GRAMD4: variants seen among roughly 807,000 people sequenced by gnomAD.
GRAMD4 encodes GRAM domain containing 4, also known as GRAM domain-containing protein 4.
In GRAMD4, 25 loss-of-function variants were observed where a neutral mutation model predicts 83.9. The observed-to-expected ratio is 0.30, with a 90% CI of 0.22 to 0.42. The LOEUF is 0.42. GRAMD4 is among the 10% of genes least tolerant of loss of function. The pLI, the probability that GRAMD4 is intolerant of heterozygous loss-of-function variation, is 1.00. For synonymous variants in GRAMD4, 336 were observed against 320.9 expected (o/e 1.05, Z -0.50); for missense variants, 593 against 788.7 (o/e 0.75, Z 2.97).
intron 1 of GRAMD4, among the ~76,000 whole-genome samples, chr22:46,588,950 GTT>G (rs1457643007): frequency 6.6e-6 from 1 of 152,222 alleles, no homozygotes; most frequent in Admixed American, 6.5e-5. Flanking sequence ...TGACAGCAGA[GTT>G]CTCTTAAACA....
intron 2 of GRAMD4, among the ~76,000 whole-genome samples, chr22:46,634,543 T>C (rs1344301816): frequency 6.6e-6 from 1 of 152,190 alleles, no homozygotes; most frequent in Non-Finnish European, 1.5e-5. Flanking sequence ...TGGTCCTTGG[T>C]CCACAGTCAG....
In GRAMD4 at chr22:46,674,654, T is replaced by C. The variant is rs776257746; in HGVS notation, c.1385-3T>C. The stretch of plus-strand genomic sequence containing the variant: ...GTGTGACAGGCGGGCCTTCTCCCAT[T>C]AGTGTGCGAGAATGGCTGGCGCTGC... On this transcript the variant is annotated splice_polypyrimidine_tract_variant and splice_region_variant and intron_variant, in intron 15 of 18. Coordinates refer to ENST00000406902, the MANE Select transcript of GRAMD4 (RefSeq NM_015124.5). 1.4e-5 allele frequency: 23 copies of C among 1,596,236 alleles called. No homozygotes were observed. The South Asian group carries it at 2.3e-4, about 16-fold the overall frequency.
At chr22:46,656,709 G>A (rs1236852761) in intron 3 of GRAMD4, among the ~76,000 whole-genome samples, 1 of 152,250 alleles carries the variant, frequency 6.6e-6, no homozygotes, top group African/African-American at 2.4e-5. Context: ...GGTGGGGTCT[G>A]GCTGCTGGCC....
rs558860737 is a variant in GRAMD4, at chr22:46,678,971, C to T, written c.*1720C>T. Reference sequence around the variant, plus strand: ...GCCTTTCCCGAATGGGGACAGAACCCGCTCTGAGCCGTGGGTCTGGCTCCT... The same window carrying T: ...GCCTTTCCCGAATGGGGACAGAACCTGCTCTGAGCCGTGGGTCTGGCTCCT... On this transcript the variant is annotated 3_prime_UTR_variant, in exon 19 of 19. Transcript: ENST00000406902. 1.5e-5 allele frequency: 15 copies of T among 985,768 alleles called. No homozygotes were observed. In the East Asian group the frequency reaches 3.4e-4, roughly 22 times the overall value. The allele number at this position is 985,768 out of a possible 1,614,324, so 61.1% of individuals were successfully genotyped here.
rs577800152 is a variant in GRAMD4 at position 46,675,888 on chromosome 22, G to T, written c.1563+336G>T. Among the ~76,000 whole-genome samples, 12 of 152,362 alleles carry T rather than the reference G, an allele frequency of 7.9e-5. No individual in the cohort carries two copies. The South Asian group carries it at 2.3e-3, about 29-fold the overall frequency. On this transcript the variant is annotated intron_variant, in intron 17 of 18. Coordinates refer to ENST00000406902, the MANE Select transcript of GRAMD4 (RefSeq NM_015124.5). ...AAAAGCACAGGGGCCCTGAGCCCCT[G>T]CCTCGGATGCAGGTTTTCAGGTGGG... is the stretch of plus-strand genomic sequence containing the variant.
intron 9 of GRAMD4, 98 bp downstream of exon 9, chr22:46,665,804 A>T: frequency 1.4e-6 from 1 of 706,492 alleles, no homozygotes; most frequent in South Asian, 1.6e-5. Context: ...TGGGTATGTC[A>T]TGCACTGACG....
In GRAMD4 at chr22:46,585,711, TAA is replaced by T. The variant is rs1245229231; in HGVS notation, c.-50+8423_-50+8424del. The stretch of plus-strand genomic sequence containing the variant: ...AGGGAGCTTGTGGGAGGTGGAAAGG[TAA>T]AGAGAGCCTGGTCTATGGGATGGGG... On this transcript the variant is annotated intron_variant, in intron 1 of 1. Transcript: ENST00000431155. Among the ~76,000 whole-genome samples the T allele has an allele frequency of 5.9e-5, 9 of 151,908 alleles. 1 individual carries two copies. Among genetic ancestry groups the T allele is most frequent in the Admixed American group, 5.9e-4 (9 of 15,262 alleles).
At chr22:46,594,947 G>C (rs2081246817) in intron 1 of GRAMD4, among the ~76,000 whole-genome samples, 1 of 152,116 alleles carries the variant, frequency 6.6e-6, no homozygotes, top group Admixed American at 6.5e-5. Flanking sequence ...CAGTGCATCG[G>C]GACTTGGGCT....
At position 46,644,897 on chromosome 22, in the gene GRAMD4, C is replaced by CTTTTTTTT. The variant is rs35677843; in HGVS notation, c.283+6963_283+6970dup. On this transcript the variant is annotated intron_variant, in intron 3 of 18. Transcript: ENST00000406902. ...ATAGGCACATTGCACTGCACATGGC[C>CTTTTTTTT]TTTTTTTTTTTTTTTTTTTTTTTTT... Among the ~76,000 whole-genome samples, 78 of 41,018 alleles carry CTTTTTTTT rather than the reference C, an allele frequency of 1.9e-3. 10 individuals are homozygous for CTTTTTTTT. Among genetic ancestry groups the CTTTTTTTT allele is most frequent in the East Asian group, 2.9e-3 (3 of 1,024 alleles). 26.9% of individuals were successfully genotyped at this position (41,018 alleles called of 152,430 possible).
At chr22:46,614,549 C>A (rs1171689158) in intron 1 of GRAMD4, among the ~76,000 whole-genome samples, 1 of 152,194 alleles carries the variant, frequency 6.6e-6, no homozygotes, top group Non-Finnish European at 1.5e-5. Context: ...TAAACGGAAA[C>A]AAAAACACCA....
intron 18 of GRAMD4, 22 bp downstream of exon 18, chr22:46,676,690 G>A (rs990719169): frequency 3.2e-5 from 50 of 1,544,512 alleles, no homozygotes; most frequent in Middle Eastern, 2.3e-4. Context: ...GCGGGGGGCC[G>A]CCAAGGGGTT....
Position 46,672,142 on chromosome 22 carries a change from T to TG in GRAMD4, c.1085-696dup, listed in dbSNP as rs2082517030. Among the ~76,000 whole-genome samples, 1 of 152,184 alleles carries TG rather than the reference T, an allele frequency of 6.6e-6. No homozygotes were observed. The highest frequency in any genetic ancestry group is 6.5e-5 in the Admixed American group (1 of 15,286). On this transcript the variant is annotated intron_variant, in intron 13 of 18. Coordinates refer to ENST00000406902, the MANE Select transcript of GRAMD4 (RefSeq NM_015124.5). This position sits in a 1 kb window ranked among gnomAD's most constrained non-coding sequence, Gnocchi z 4.7. The stretch of plus-strand genomic sequence containing the variant: ...CCAGGGGGGTGCGTTAGCAGGTGTG[T>TG]GGGGGCCGGCCCCGCCTCCCATCCC...
intron 1 of GRAMD4, among the ~76,000 whole-genome samples, chr22:46,615,272 CGTGTGGGTTCCCCCGT>C (rs1221278374): frequency 1.4e-4 from 1 of 6,908 alleles, no homozygotes. Context: ...TTCCCCTGTG[CGTGTGGGTTCCCCCGT>C]GTGTAGGTTC....
intron 17 of GRAMD4, among the ~76,000 whole-genome samples, chr22:46,676,110 A>T (rs1254807773): frequency 1.3e-5 from 2 of 152,146 alleles, no homozygotes; most frequent in Non-Finnish European, 2.9e-5. Flanking sequence ...CGTCCTGGGC[A>T]TGTCCGCATT....
chr22:46,677,417 A>G lies in GRAMD4; in HGVS notation c.*166A>G. 1 of 1,373,942 alleles carries G rather than the reference A, an allele frequency of 7.3e-7. No individual in the cohort carries two copies. Among genetic ancestry groups the G allele is most frequent in the Non-Finnish European group, 9.4e-7 (1 of 1,064,026 alleles). 85.1% of individuals were successfully genotyped at this position (1,373,942 alleles called of 1,614,324 possible). ...GTTGACCTCTGCGTTTTATCGACCA[A>G]GAAGGGGCCAGGGCTCACAGGGACG... On this transcript the variant is annotated 3_prime_UTR_variant, in exon 19 of 19. Coordinates refer to ENST00000406902, the MANE Select transcript of GRAMD4 (RefSeq NM_015124.5).
At chr22:46,655,684 C>T (rs1460305737) in intron 3 of GRAMD4, among the ~76,000 whole-genome samples, 1 of 152,192 alleles carries the variant, frequency 6.6e-6, no homozygotes, top group African/African-American at 2.4e-5. Flanking sequence ...GCAGCTCCTG[C>T]CACCTCCTTC....
chr22:46,677,962 C>G lies in GRAMD4; in HGVS notation c.*711C>G. On this transcript the variant is annotated 3_prime_UTR_variant, in exon 19 of 19. Coordinates refer to ENST00000406902, the MANE Select transcript of GRAMD4 (RefSeq NM_015124.5). ...TGCTGGCCTCCAGGGCGCTCAGCAC[C>G]GCGTCTGTAAGGGCCTGCCTGCTGC... The G allele has an allele frequency of 5.1e-6, 5 of 985,402 alleles. No homozygotes were observed. The highest frequency in any genetic ancestry group is 6.0e-6 in the Non-Finnish European group (5 of 829,820). The allele number at this position is 985,402 out of a possible 1,614,324, so 61.0% of individuals were successfully genotyped here.
At chr22:46,612,479 G>A (rs1043609150) in intron 1 of GRAMD4, among the ~76,000 whole-genome samples, 1 of 152,204 alleles carries the variant, frequency 6.6e-6, no homozygotes, top group African/African-American at 2.4e-5. Context: ...TGGGGGAAGT[G>A]AGGGCACAGT....
chr22:46,637,637 G>A (rs138470), intron 2 of GRAMD4, among the ~76,000 whole-genome samples: 28,334 of 152,180 alleles, frequency 0.19, 3,437 homozygotes, highest in East Asian at 0.55. Flanking sequence ...AGGCTGGGTA[G>A]ACAGACACGG....
Sources: gnomAD v4.1 joint callset for allele counts (sites outside exome capture counted in the v4.1 genomes callset) on GRCh38, gnomAD v4.1.1 for gene constraint, Gnocchi (gnomAD v3.1) non-coding constraint, MANE v1.5 for transcripts, NCBI Gene and HGNC (gene_info 2026-07-23, HGNC 2026-07-21) for gene names.